Variants in RBFOX1 observed in about 807,000 individuals in gnomAD.
The protein encoded by RBFOX1 is RNA binding protein fox-1 homolog 1.
Under a neutral mutation model 57.7 loss-of-function variants are expected in RBFOX1, and 8 were observed. The observed-to-expected ratio is 0.14, with a 90% CI of 0.08 to 0.25. The LOEUF is 0.25. Ranked by LOEUF, RBFOX1 falls within the 10% of genes least tolerant of loss-of-function variation. The pLI is 1.00. For missense variants in RBFOX1, 611 were observed against 548.5 expected, an observed-to-expected ratio of 1.11 and a Z score of -1.14; for synonymous variants, 326 against 222.4, an observed-to-expected ratio of 1.47 and a Z score of -4.15.
At chr16:5,777,449 T>G (rs1342453236) in intron 3 of RBFOX1, among the ~76,000 whole-genome samples, 2 of 152,208 alleles carry the variant, frequency 1.3e-5, no homozygotes, top group East Asian at 3.8e-4. Flanking sequence ...CAGATGAGAC[T>G]CTAGGCAGTA....
At chr16:5,768,076 C>G (rs138890299) in intron 3 of RBFOX1, among the ~76,000 whole-genome samples, 2 of 152,292 alleles carry the variant, frequency 1.3e-5, no homozygotes, top group East Asian at 1.9e-4. Context: ...CAAGAGTAGA[C>G]TGCATTTAAA....
At position 7,668,029 on chromosome 16, in the gene RBFOX1, C is replaced by T. The variant is rs181066485; in HGVS notation, c.930+3061C>T. On this transcript the variant is annotated intron_variant, in intron 13 of 15. Transcript: ENST00000550418. The stretch of plus-strand genomic sequence containing the variant: ...AGTCAGTTTCTAGCTTCGGTCACTG[C>T]TAAGGAAGACAAAGGAGGATACTGT... 9.7e-4 allele frequency among the ~76,000 whole-genome samples: 148 copies of T among 152,250 alleles called. No individual in the cohort carries two copies. In the Middle Eastern group the frequency reaches 0.014, roughly 14 times the overall value.
At chr16:5,989,244 T>C (rs2060342145) in intron 4 of RBFOX1, among the ~76,000 whole-genome samples, 1 of 151,226 alleles carries the variant, frequency 6.6e-6, no homozygotes, top group Admixed American at 6.6e-5. Context: ...GGCAGGAGAA[T>C]GGTGTGAACC....
At chr16:6,247,798 G>C (rs889694923) in intron 1 of RBFOX1, among the ~76,000 whole-genome samples, 1 of 152,210 alleles carries the variant, frequency 6.6e-6, no homozygotes, top group Non-Finnish European at 1.5e-5. Context: ...GCGTGCGAGA[G>C]ACAGAGAGGG....
At chr16:6,827,730 C>A (rs11859302) in intron 3 of RBFOX1, among the ~76,000 whole-genome samples, 2,834 of 152,204 alleles carry the variant, frequency 0.019, 101 homozygotes, top group African/African-American at 0.064. Context: ...CCATGCTGAT[C>A]CCCTACATGG....
intron 1 of RBFOX1, among the ~76,000 whole-genome samples, chr16:6,061,979 A>T (rs1361254083): frequency 1.3e-5 from 2 of 152,140 alleles, no homozygotes; most frequent in African/African-American, 4.8e-5. Context: ...ACTGGTTAGG[A>T]TTCCCATGTC....
At chr16:7,653,997 C>T (rs2144824226) in intron 12 of RBFOX1, 50 bp downstream of exon 12, 4 of 1,443,026 alleles carry the variant, frequency 2.8e-6, no homozygotes, top group Non-Finnish European at 3.6e-6. Flanking sequence ...GCCCTCCCTC[C>T]CCAGAGGCAC....
intron 4 of RBFOX1, among the ~76,000 whole-genome samples, chr16:5,998,232 A>G (rs2060523675): frequency 1.3e-5 from 2 of 152,284 alleles, no homozygotes; most frequent in African/African-American, 4.8e-5. Flanking sequence ...TCTGATGTGG[A>G]AGGTTTATCC....
intron 3 of RBFOX1, among the ~76,000 whole-genome samples, chr16:6,715,209 G>A (rs1348758991): frequency 6.6e-6 from 1 of 151,940 alleles, no homozygotes; most frequent in Non-Finnish European, 1.5e-5. Context: ...AACCTTATCA[G>A]TCACACACAC....
intron 1 of RBFOX1, chr16:6,038,558 T>C (rs2095398818): frequency 6.9e-6 from 1 of 143,886 alleles, no homozygotes; most frequent in South Asian, 2.1e-4. Context: ...ATATCATCCA[T>C]ATATATATAT....
rs554633196 is a variant in RBFOX1 at position 7,012,531 on chromosome 16, C to T, written c.-15-39526C>T. Among the ~76,000 whole-genome samples the T allele has an allele frequency of 1.8e-4, 28 of 152,308 alleles. No individual in the cohort carries two copies. In the South Asian group the frequency reaches 4.6e-3, roughly 25 times the overall value. On this transcript the variant is annotated intron_variant, in intron 3 of 15. Coordinates refer to ENST00000550418, the MANE Select transcript of RBFOX1 (RefSeq NM_018723.4). The stretch of plus-strand genomic sequence containing the variant: ...GAACAGACAGTGAGAAAAACAAGGA[C>T]ATTGGAACACCTTATTTCTGGTTTC...
intron 4 of RBFOX1, among the ~76,000 whole-genome samples, chr16:7,446,245 T>G (rs2098806778): frequency 6.6e-6 from 1 of 152,200 alleles, no homozygotes; most frequent in African/African-American, 2.4e-5. Context: ...CCATGCGAAT[T>G]GACAGGAAGG....
intron 2 of RBFOX1, among the ~76,000 whole-genome samples, chr16:6,432,599 C>T (rs966766520): frequency 3.3e-5 from 5 of 151,330 alleles, no homozygotes; most frequent in African/African-American, 1.2e-4. Context: ...CAAGAATTGC[C>T]TGAACCCAGG....
intron 2 of RBFOX1, among the ~76,000 whole-genome samples, chr16:6,386,949 A>C (rs778053817): frequency 6.6e-6 from 1 of 152,192 alleles, no homozygotes; most frequent in Non-Finnish European, 1.5e-5. Context: ...AAAAATAAAG[A>C]GAGAGGTGTT....
At chr16:6,855,907 C>G (rs767806169) in intron 3 of RBFOX1, among the ~76,000 whole-genome samples, 1 of 150,148 alleles carries the variant, frequency 6.7e-6, no homozygotes, top group Non-Finnish European at 1.5e-5. Context: ...TACCTCCCTT[C>G]TTTCCTTCTT....
chr16:7,696,825 C>T (rs915096474), intron 14 of RBFOX1, among the ~76,000 whole-genome samples: 1 of 152,098 alleles, frequency 6.6e-6, no homozygotes, highest in Non-Finnish European at 1.5e-5. Flanking sequence ...GAGGGGGTAA[C>T]ATTTGAGCAG....
At chr16:7,031,482 G>C (rs891684631) in intron 3 of RBFOX1, among the ~76,000 whole-genome samples, 1 of 151,988 alleles carries the variant, frequency 6.6e-6, no homozygotes, top group Non-Finnish European at 1.5e-5. Flanking sequence ...TGTAGTTCTG[G>C]CTACTTGGGA....
chr16:5,502,430 G>T (rs1214627514), intron 2 of RBFOX1, among the ~76,000 whole-genome samples: 1 of 152,132 alleles, frequency 6.6e-6, no homozygotes. Flanking sequence ...TGAGGGTCAG[G>T]GGGTGGACAT....
At chr16:6,540,678 A>C (rs1169440808) in intron 2 of RBFOX1, among the ~76,000 whole-genome samples, 2 of 151,576 alleles carry the variant, frequency 1.3e-5, no homozygotes, top group African/African-American at 4.8e-5. Context: ...AAGAATGCCT[A>C]ATCTGTGGTG....
Sources: gnomAD v4.1 joint callset for allele counts (sites outside exome capture counted in the v4.1 genomes callset) on GRCh38, gnomAD v4.1.1 for gene constraint, MANE v1.5 for transcripts, NCBI Gene and HGNC (gene_info 2026-07-23, HGNC 2026-07-21) for gene names.